SOAT1: variants seen among roughly 807,000 people sequenced by gnomAD.
The protein encoded by SOAT1 is sterol O-acyltransferase 1.
A neutral mutation model predicts 69.5 loss-of-function variants in SOAT1; 55 were observed. The ratio of observed to expected loss-of-function variants is 0.79; its 90% CI spans 0.64 to 0.99. SOAT1 has a LOEUF of 0.99. SOAT1 is among the 50% of genes least tolerant of loss of function. The pLI is 0.00. For synonymous variants in SOAT1, 231 were observed against 224.7 expected (o/e 1.03, Z -0.25); for missense variants, 580 against 669.3 (o/e 0.87, Z 1.47).
At position 179,339,384 on chromosome 1, in the gene SOAT1, G is replaced by A; in HGVS notation, c.390-54G>A. On this transcript the variant is annotated intron_variant, in intron 5 of 15. Coordinates refer to ENST00000367619, the MANE Select transcript of SOAT1 (RefSeq NM_003101.6). ...CTGCTTTAAGAAAAGATTTTATGGT[G>A]TTTTAAATTTAAATATACATTATTA... 3.2e-6 allele frequency: 4 copies of A among 1,240,310 alleles called. No homozygotes were observed. In the South Asian group the frequency reaches 5.6e-5, roughly 17 times the overall value. The allele number at this position is 1,240,310 out of a possible 1,614,324, so 76.8% of individuals were successfully genotyped here.
intron 2 of SOAT1, among the ~76,000 whole-genome samples, chr1:179,321,424 C>G (rs1164005136): frequency 6.6e-6 from 1 of 152,206 alleles, no homozygotes; most frequent in African/African-American, 2.4e-5. Flanking sequence ...CCCCACTTGG[C>G]CTCCCAAAGT....
chr1:179,328,873 G>C (rs1218750528), intron 3 of SOAT1, among the ~76,000 whole-genome samples: 1 of 150,972 alleles, frequency 6.6e-6, no homozygotes, highest in Non-Finnish European at 1.5e-5. Flanking sequence ...GCAAAACCCT[G>C]TGTCTACAAA....
intron 2 of SOAT1, among the ~76,000 whole-genome samples, chr1:179,315,884 A>AT (rs1491572357): frequency 3.5e-4 from 54 of 152,172 alleles, no homozygotes; most frequent in African/African-American, 1.3e-3. Context: ...TTTTGTCTTC[A>AT]TTTTTTTATG....
At position 179,356,909 on chromosome 1, in the gene SOAT1, AAAC is replaced by A. The variant is rs1166386922; in HGVS notation, c.*3269_*3271del. On this transcript the variant is annotated 3_prime_UTR_variant, in exon 16 of 16. Transcript: ENST00000367619. ...TCCCTATGTTGCCCAGGCTGGTCTCAAACTCTTCACCTCAAGCAAAACTCCCAC... is the reference window on the plus strand; with the variant it reads ...TCCCTATGTTGCCCAGGCTGGTCTCATCTTCACCTCAAGCAAAACTCCCAC... 6.6e-6 allele frequency: 1 copy of A among 151,068 alleles called. No individual in the cohort carries two copies. The highest frequency in any genetic ancestry group is 2.4e-5 in the African/African-American group (1 of 41,036). 9.4% of individuals were successfully genotyped at this position (151,068 alleles called of 1,614,324 possible).
rs199683942 is a variant in SOAT1, at chr1:179,339,421, T to A, written c.390-17T>A. Reference sequence around the variant, plus strand: ...AATATACATTATTAACTTGTTTTGTTTGAACTACATTTACAGTGAACTGCT... The same window carrying A: ...AATATACATTATTAACTTGTTTTGTATGAACTACATTTACAGTGAACTGCT... On this transcript the variant is annotated splice_polypyrimidine_tract_variant and intron_variant, in intron 5 of 15. Transcript: ENST00000367619. 2,294 of 1,522,606 alleles carry A rather than the reference T, an allele frequency of 1.5e-3. 7 individuals carry two copies. Among genetic ancestry groups the A allele is most frequent in the Non-Finnish European group, 1.8e-3 (2,061 of 1,118,488 alleles). 94.3% of individuals were successfully genotyped at this position (1,522,606 alleles called of 1,614,324 possible).
intron 2 of SOAT1, among the ~76,000 whole-genome samples, chr1:179,306,703 G>GC (rs1665016041): frequency 6.6e-6 from 1 of 151,856 alleles, no homozygotes; most frequent in South Asian, 2.1e-4. Context: ...GCGGTGGTGG[G>GC]CACCAGTAGT....
rs373369584 is a variant in SOAT1, at chr1:179,348,957, T to G, written c.1314+15T>G. Reference sequence around the variant, plus strand: ...ACTTTCTCTGGGTAAGTAGCAAGGTTTAAGTTGATATTATTTATGAAATGG... The same window carrying G: ...ACTTTCTCTGGGTAAGTAGCAAGGTGTAAGTTGATATTATTTATGAAATGG... On this transcript the variant is annotated intron_variant, in intron 13 of 15. Transcript: ENST00000367619. 1 of 1,301,802 alleles carries G rather than the reference T, an allele frequency of 7.7e-7. No homozygotes were observed. Among genetic ancestry groups the G allele is most frequent in the African/African-American group, 1.5e-5 (1 of 68,658 alleles). The allele number at this position is 1,301,802 out of a possible 1,614,324, so 80.6% of individuals were successfully genotyped here.
intron 1 of SOAT1, among the ~76,000 whole-genome samples, chr1:179,297,235 G>A (rs1257195186): frequency 6.6e-6 from 1 of 152,090 alleles, no homozygotes; most frequent in Non-Finnish European, 1.5e-5. Context: ...ACTTACTGGC[G>A]GTGTACTCCA....
At chr1:179,351,663 T>C (rs139344930) in intron 15 of SOAT1, among the ~76,000 whole-genome samples, 1 of 152,152 alleles carries the variant, frequency 6.6e-6, no homozygotes, top group African/African-American at 2.4e-5. Flanking sequence ...TTTCTTCACA[T>C]TTAACTCTCC....
At chr1:179,320,718 A>G (rs1665566824) in intron 2 of SOAT1, among the ~76,000 whole-genome samples, 1 of 152,034 alleles carries the variant, frequency 6.6e-6, no homozygotes, top group African/African-American at 2.4e-5. Flanking sequence ...TGATGAACTC[A>G]CATTCTTTTA....
At position 179,307,279 on chromosome 1, in the gene SOAT1, TTG is replaced by T. The variant is rs149136978; in HGVS notation, c.118+4479_118+4480del. On this transcript the variant is annotated intron_variant, in intron 2 of 15. Transcript: ENST00000367619. ...GAAGGAATGTCAGATGACATGACTGTTGTAGATGCAACTTCATCAAGATGGTA... is the reference window on the plus strand; with the variant it reads ...GAAGGAATGTCAGATGACATGACTGTTAGATGCAACTTCATCAAGATGGTA... 5.8e-3 allele frequency among the ~76,000 whole-genome samples: 880 copies of T among 152,344 alleles called. 10 individuals carry two copies. The highest frequency in any genetic ancestry group is 0.019 in the African/African-American group (806 of 41,576).
intron 2 of SOAT1, among the ~76,000 whole-genome samples, chr1:179,316,994 A>T (rs1426544413): frequency 1.3e-5 from 2 of 152,222 alleles, no homozygotes; most frequent in Non-Finnish European, 2.9e-5. Context: ...CAATATATTA[A>T]GTGAAAAAAA....
At chr1:179,305,331 C>T (rs1664965584) in intron 2 of SOAT1, among the ~76,000 whole-genome samples, 1 of 152,046 alleles carries the variant, frequency 6.6e-6, no homozygotes, top group Non-Finnish European at 1.5e-5. Flanking sequence ...GATTATAGCA[C>T]ATGCAGCCTC....
chr1:179,312,164 G>T (rs1434526325), intron 2 of SOAT1, among the ~76,000 whole-genome samples: 1 of 152,188 alleles, frequency 6.6e-6, no homozygotes, highest in Non-Finnish European at 1.5e-5. Flanking sequence ...GACAAAGATT[G>T]CATATTTTCA....
chr1:179,296,606 T>C (rs1446752693), intron 1 of SOAT1, among the ~76,000 whole-genome samples: 9 of 152,226 alleles, frequency 5.9e-5, no homozygotes, highest in African/African-American at 1.9e-4. Context: ...TTCTGTGATA[T>C]GTAAAAGTTG....
intron 3 of SOAT1, among the ~76,000 whole-genome samples, chr1:179,330,412 C>G (rs951977073): frequency 2.6e-5 from 4 of 152,252 alleles, no homozygotes; most frequent in Admixed American, 6.5e-5. Context: ...TTGGGGAAGT[C>G]ACAAATCTTG....
In SOAT1 at chr1:179,345,000, C is replaced by A; in HGVS notation, c.1041C>A (p.Pro347=). ...VYYIFERLCA[P]LFRNIKQEPF... The stretch of plus-strand genomic sequence containing the variant: ...ACATCTTTGAAAGGCTTTGTGCCCC[C>A]TTGTTTCGGAATATCAAACAGGAGC... Residue 347 remains proline, a synonymous_variant, in exon 11 of 16, where the codon CCC becomes CCA. Coordinates refer to ENST00000367619, the MANE Select transcript of SOAT1 (RefSeq NM_003101.6). The A allele has an allele frequency of 6.2e-7, 1 of 1,614,042 alleles. No homozygotes were observed.
intron 11 of SOAT1, among the ~76,000 whole-genome samples, chr1:179,347,218 TGTG>T (rs1316295424): frequency 2.0e-5 from 3 of 151,852 alleles, no homozygotes; most frequent in African/African-American, 7.3e-5. Context: ...ATTAGCCAGA[TGTG>T]GTGGTACATG....
chr1:179,350,405 T>A lies in SOAT1; in HGVS notation c.1424T>A (p.Leu475His). The change falls in exon 14 of 16, where the codon CTC (leucine) becomes CAC (histidine). Residue 475 changes from leucine (L) to histidine (H), a missense_variant. Leu to His is a moderately conservative substitution (Grantham distance 99). Coordinates refer to ENST00000367619, the MANE Select transcript of SOAT1 (RefSeq NM_003101.6). ...TGCTTGAGCTTTTTCTATCCCGTGC[T>A]CTTCGTGCTCTTCATGTTCTTTGGA... ...AVCLSFFYPV[L>H]FVLFMFFGMA... 1 of 1,614,058 alleles carries A rather than the reference T, an allele frequency of 6.2e-7. No individual in the cohort carries two copies. The highest frequency in any genetic ancestry group is 8.5e-7 in the Non-Finnish European group (1 of 1,179,976).
Sources: gnomAD v4.1 joint callset for allele counts (sites outside exome capture counted in the v4.1 genomes callset) on GRCh38, gnomAD v4.1.1 for gene constraint, MANE v1.5 for transcripts, NCBI Gene and HGNC (gene_info 2026-07-23, HGNC 2026-07-21) for gene names.